Variants in B3GLCT observed in about 807,000 individuals in gnomAD.
The protein encoded by B3GLCT is beta 3-glucosyltransferase.
B3GLCT carries 65 observed loss-of-function variants against 63.4 expected under a neutral mutation model. The ratio of observed to expected loss-of-function variants is 1.03; its 90% CI spans 0.84 to 1.26. The LOEUF (loss-of-function observed/expected upper bound fraction) is 1.26, where lower values mean the gene tolerates loss of function less well. B3GLCT is among the 50% of genes most tolerant of loss of function. B3GLCT has a pLI of 0.00. For missense variants in B3GLCT, 577 were observed against 604.8 expected (o/e 0.95, Z 0.48); for synonymous variants, 233 against 219.2 (o/e 1.06, Z -0.55).
intron 12 of B3GLCT, among the ~76,000 whole-genome samples, chr13:31,287,675 A>AC (rs1396183933): frequency 2.6e-5 from 4 of 152,096 alleles, no homozygotes. Context: ...AAGTGAAAAA[A>AC]AATTAGCTTA....
rs376279701 is a variant in B3GLCT at position 31,329,481 on chromosome 13, ACT to A, written c.1330-15_1330-14del. 2.2e-5 allele frequency: 36 copies of A among 1,613,832 alleles called. No individual in the cohort carries two copies. Among genetic ancestry groups the A allele is most frequent in the African/African-American group, 1.7e-4 (13 of 74,890 alleles). On this transcript the variant is annotated intron_variant, in intron 14 of 14. Coordinates refer to ENST00000343307, the MANE Select transcript of B3GLCT (RefSeq NM_194318.4). ...TATATTCAATCAACAAGGAAGCCTA[ACT>A]CTCTATTTTTCCTGCAGGCTCGGCC...
intron 2 of B3GLCT, among the ~76,000 whole-genome samples, chr13:31,218,181 T>G (rs911663352): frequency 1.3e-5 from 2 of 149,962 alleles, no homozygotes; most frequent in African/African-American, 4.9e-5. Flanking sequence ...ATTCTTTTTG[T>G]GGCTACTTTT....
At chr13:31,328,726 G>A (rs967083545) in intron 14 of B3GLCT, among the ~76,000 whole-genome samples, 76 of 133,934 alleles carry the variant, frequency 5.7e-4, no homozygotes, top group Non-Finnish European at 9.2e-4. Flanking sequence ...AAGGTTTACC[G>A]AGAGAAACTG....
At chr13:31,274,027 T>C (rs1325144604) in intron 8 of B3GLCT, among the ~76,000 whole-genome samples, 2 of 152,192 alleles carry the variant, frequency 1.3e-5, no homozygotes, top group East Asian at 1.9e-4. Context: ...GTGCCTTTTT[T>C]TCCCCAGGAT....
intron 7 of B3GLCT, among the ~76,000 whole-genome samples, chr13:31,266,199 C>T (rs561159577): frequency 1.3e-5 from 2 of 152,182 alleles, no homozygotes; most frequent in East Asian, 3.9e-4. Context: ...GGGGTTTCAC[C>T]GTGTTAGCCA....
chr13:31,215,533 C>T (rs1869516271), intron 2 of B3GLCT, among the ~76,000 whole-genome samples: 1 of 152,188 alleles, frequency 6.6e-6, no homozygotes, highest in African/African-American at 2.4e-5. Context: ...CCTGTCTCAG[C>T]CTCCCCAGTA....
chr13:31,276,904 A>G (rs1163764916), intron 10 of B3GLCT, 133 bp downstream of exon 10: 3 of 731,946 alleles, frequency 4.1e-6, no homozygotes. Flanking sequence ...GAAAGCAGTT[A>G]TTTAATCAAT....
intron 4 of B3GLCT, among the ~76,000 whole-genome samples, chr13:31,229,663 T>A (rs971848089): frequency 1.3e-5 from 2 of 151,804 alleles, no homozygotes; most frequent in Non-Finnish European, 2.9e-5. Flanking sequence ...GAAGAATCGC[T>A]TGAACCCAGG....
chr13:31,208,002 A>T (rs559769290), intron 1 of B3GLCT, among the ~76,000 whole-genome samples: 1 of 152,232 alleles, frequency 6.6e-6, no homozygotes, highest in South Asian at 2.1e-4. Flanking sequence ...CTCTACAGGG[A>T]GGGAAACAGA....
chr13:31,206,578 A>C (rs903553531), intron 1 of B3GLCT, among the ~76,000 whole-genome samples: 17 of 102,586 alleles, frequency 1.7e-4, no homozygotes, highest in African/African-American at 6.2e-4. Flanking sequence ...GTCTCTACTA[A>C]AAATGCAAAA....
In B3GLCT at chr13:31,319,821, C is replaced by T. The variant is rs116791089; in HGVS notation, c.1184+2136C>T. Among the ~76,000 whole-genome samples the T allele has an allele frequency of 5.5e-3, 835 of 152,252 alleles. 12 individuals carry two copies. Among genetic ancestry groups the T allele is most frequent in the African/African-American group, 0.019 (801 of 41,542 alleles). On this transcript the variant is annotated intron_variant, in intron 13 of 14. Coordinates refer to ENST00000343307, the MANE Select transcript of B3GLCT (RefSeq NM_194318.4). ...CACTCAACACCTTGTCATTTCTGACCGTAACCCCTGATTTGTTCTTCCAAT... is the reference window on the plus strand; with the variant it reads ...CACTCAACACCTTGTCATTTCTGACTGTAACCCCTGATTTGTTCTTCCAAT...
intron 7 of B3GLCT, among the ~76,000 whole-genome samples, chr13:31,266,794 G>A (rs929805225): frequency 3.9e-5 from 6 of 152,070 alleles, no homozygotes; most frequent in Non-Finnish European, 5.9e-5. Flanking sequence ...TTTTTGAGAT[G>A]GAGTCTTGTT....
intron 7 of B3GLCT, among the ~76,000 whole-genome samples, chr13:31,268,492 T>G (rs914615508): frequency 6.6e-6 from 1 of 152,202 alleles, no homozygotes; most frequent in Admixed American, 6.5e-5. Context: ...AAGTTTCCAT[T>G]TACTCTGATG....
At chr13:31,233,079 A>G (rs1006090708) in intron 4 of B3GLCT, among the ~76,000 whole-genome samples, 3 of 152,254 alleles carry the variant, frequency 2.0e-5, no homozygotes, top group Non-Finnish European at 2.9e-5. Context: ...CACCTTGAAC[A>G]TAGTAGGTAT....
intron 3 of B3GLCT, 70 bp from the exon 4 acceptor site, chr13:31,229,115 A>G: frequency 1.0e-6 from 1 of 1,002,292 alleles, no homozygotes; most frequent in East Asian, 2.6e-5. Flanking sequence ...CTATTTTTTC[A>G]CTTGTTTTCA....
chr13:31,219,158 G>A (rs1189118643), intron 2 of B3GLCT, among the ~76,000 whole-genome samples: 2 of 152,086 alleles, frequency 1.3e-5, no homozygotes, highest in African/African-American at 2.4e-5. Flanking sequence ...GAAAACGTCA[G>A]GCCAGTATCC....
intron 14 of B3GLCT, among the ~76,000 whole-genome samples, chr13:31,326,090 GAA>G (rs1181710483): frequency 6.6e-6 from 1 of 152,012 alleles, no homozygotes; most frequent in African/African-American, 2.4e-5. Context: ...GAAATTTCCC[GAA>G]AAGTTTTAGA....
intron 2 of B3GLCT, among the ~76,000 whole-genome samples, 196 bp from the exon 3 acceptor site, chr13:31,222,756 G>T (rs2137758643): frequency 6.6e-6 from 1 of 152,340 alleles, no homozygotes; most frequent in South Asian, 2.1e-4. Flanking sequence ...AGTCTGTCAT[G>T]ATACAGAAGT....
At chr13:31,284,542 A>G (rs1346366206) in intron 10 of B3GLCT, 106 bp from the exon 11 acceptor site, 6 of 743,696 alleles carry the variant, frequency 8.1e-6, no homozygotes, top group African/African-American at 1.7e-5. Context: ...CTGAAGAACA[A>G]CCAGTAATGT....
Sources: allele counts gnomAD v4.1 joint callset (sites outside exome capture counted in the v4.1 genomes callset), GRCh38; gene constraint gnomAD v4.1.1; transcripts MANE v1.5; gene names NCBI Gene and HGNC (gene_info 2026-07-23, HGNC 2026-07-21).